BCAS3: variants seen among roughly 807,000 people sequenced by gnomAD.
BCAS3 encodes BCAS3 microtubule associated cell migration factor, also known as BCAS4/BCAS3 fusion.
BCAS3 carries 53 observed loss-of-function variants against 116.1 expected under a neutral mutation model. The ratio of observed to expected loss-of-function variants is 0.46; its 90% CI spans 0.37 to 0.57. The LOEUF is 0.57. BCAS3 is among the 20% of genes least tolerant of loss of function. The pLI is 0.00. For synonymous variants in BCAS3, 391 were observed against 408.2 expected (o/e 0.96, Z 0.51); for missense variants, 917 against 1,165.4 (o/e 0.79, Z 3.10).
In BCAS3 at chr17:61,130,710, G is replaced by A. The variant is rs1047519553; in HGVS notation, c.2425+46146G>A. On this transcript the variant is annotated intron_variant, in intron 22 of 23. Coordinates refer to ENST00000407086, the MANE Select transcript of BCAS3 (RefSeq NM_017679.5). This position sits in a 1 kb window ranked among gnomAD's most constrained non-coding sequence, Gnocchi z 5.0. ...CACTCTAATCAAACTGACCTTTTTA[G>A]TTTAGCTGGGCTCCAACCAGTTCTG... The A allele has an allele frequency of 2.0e-5, 3 of 152,224 alleles. No homozygotes were observed. The highest frequency in any genetic ancestry group is 2.9e-5 in the Non-Finnish European group (2 of 68,056). 9.4% of individuals were successfully genotyped at this position (152,224 alleles called of 1,614,324 possible). A position where few individuals can be genotyped will look rare whatever the true frequency, so the allele number is the denominator to read the frequency against.
chr17:61,330,554 G>A (rs939343687), intron 22 of BCAS3, among the ~76,000 whole-genome samples: 3 of 152,306 alleles, frequency 2.0e-5, no homozygotes, highest in Admixed American at 6.5e-5. Context: ...ATGTGCCTCT[G>A]CGGCCAGTGG....
intron 22 of BCAS3, among the ~76,000 whole-genome samples, chr17:61,127,297 G>C (rs377013547): frequency 4.6e-5 from 7 of 152,194 alleles, no homozygotes; most frequent in East Asian, 1.9e-4. Context: ...GTTAGCGAAG[G>C]CTTCACCACT....
intron 14 of BCAS3, among the ~76,000 whole-genome samples, chr17:60,976,032 T>TTTTTTTC (rs1203526706): frequency 8.1e-6 from 1 of 123,242 alleles, no homozygotes. Context: ...TTTTTTTTTT[T>TTTTTTTC]TTTTTTTTCT....
At chr17:61,066,280 C>T (rs562885396) in intron 19 of BCAS3, among the ~76,000 whole-genome samples, 1 of 152,116 alleles carries the variant, frequency 6.6e-6, no homozygotes, top group Admixed American at 6.5e-5. Flanking sequence ...AAGGGTAGAA[C>T]AAGAAGAACA....
At chr17:60,987,802 C>T (rs151215818) in intron 14 of BCAS3, among the ~76,000 whole-genome samples, 34 of 152,034 alleles carry the variant, frequency 2.2e-4, no homozygotes, top group Middle Eastern at 3.4e-3. Context: ...TTTTTCTTTT[C>T]GAATTTGGAT....
intron 9 of BCAS3, among the ~76,000 whole-genome samples, chr17:60,878,121 T>C (rs2055787833): frequency 6.6e-6 from 1 of 151,782 alleles, no homozygotes. Flanking sequence ...GCAGTTCTCC[T>C]GCCTCAGCTT....
intron 9 of BCAS3, among the ~76,000 whole-genome samples, chr17:60,881,114 A>G (rs2056099326): frequency 6.6e-6 from 1 of 152,180 alleles, no homozygotes; most frequent in South Asian, 2.1e-4. Context: ...AGCTGGGACT[A>G]CAGGCGCCCG....
At chr17:60,805,684 C>G (rs553734461) in intron 6 of BCAS3, among the ~76,000 whole-genome samples, 2 of 151,868 alleles carry the variant, frequency 1.3e-5, no homozygotes, top group South Asian at 4.2e-4. Context: ...AAAAATTAGC[C>G]GGACATGGTG....
chr17:60,830,054 C>T (rs963536164), intron 7 of BCAS3, among the ~76,000 whole-genome samples: 6 of 152,114 alleles, frequency 3.9e-5, no homozygotes, highest in East Asian at 3.9e-4. Context: ...TGCAGTGGCG[C>T]GATCTTAGCT....
intron 22 of BCAS3, among the ~76,000 whole-genome samples, chr17:61,108,953 T>C (rs2074865874): frequency 6.6e-6 from 1 of 152,082 alleles, no homozygotes; most frequent in Non-Finnish European, 1.5e-5. Context: ...TTTAGGTGGC[T>C]GAGGTGGGCG....
At chr17:61,311,660 C>T (rs1382883835) in intron 22 of BCAS3, among the ~76,000 whole-genome samples, 2 of 152,058 alleles carry the variant, frequency 1.3e-5, no homozygotes, top group Non-Finnish European at 2.9e-5. Context: ...TTTGGGAGGC[C>T]GAGGCGGGCA....
chr17:61,273,343 G>A (rs911563668), intron 22 of BCAS3, among the ~76,000 whole-genome samples: 2 of 151,832 alleles, frequency 1.3e-5, no homozygotes, highest in Non-Finnish European at 2.9e-5. Flanking sequence ...TATTTTAAGG[G>A]ATATTTTGCT....
intron 6 of BCAS3, among the ~76,000 whole-genome samples, chr17:60,773,877 A>G (rs180818693): frequency 6.6e-6 from 1 of 152,130 alleles, no homozygotes; most frequent in Non-Finnish European, 1.5e-5. Flanking sequence ...GAACACCTGC[A>G]CTTAAGTGAT....
chr17:61,107,234 G>A (rs1190646858), intron 22 of BCAS3, among the ~76,000 whole-genome samples: 1 of 151,748 alleles, frequency 6.6e-6, no homozygotes, highest in Non-Finnish European at 1.5e-5. Context: ...TTACAGGTGT[G>A]CACCACCACA....
At chr17:60,851,163 G>A (rs9895671) in intron 7 of BCAS3, among the ~76,000 whole-genome samples, 20,003 of 152,202 alleles carry the variant, frequency 0.13, 1,419 homozygotes, top group African/African-American at 0.18. Flanking sequence ...GCTGCAGATG[G>A]TGAGGAAATA....
chr17:60,712,297 G>A (rs1196417257), intron 5 of BCAS3, among the ~76,000 whole-genome samples: 1 of 151,270 alleles, frequency 6.6e-6, no homozygotes, highest in Non-Finnish European at 1.5e-5. Flanking sequence ...GATTGCCTGA[G>A]CCTGGGAAGT....
chr17:60,820,922 A>G (rs2049905801), intron 7 of BCAS3, among the ~76,000 whole-genome samples: 2 of 152,178 alleles, frequency 1.3e-5, no homozygotes, highest in Admixed American at 1.3e-4. Context: ...AAAAAGTAAA[A>G]TGGTATGAAT....
chr17:61,287,454 G>C (rs954094834), intron 22 of BCAS3, among the ~76,000 whole-genome samples: 13 of 152,134 alleles, frequency 8.5e-5, no homozygotes, highest in Non-Finnish European at 1.5e-4. Flanking sequence ...TGCAGGGCGT[G>C]GTGGCTCACA....
rs1239884589 is a variant in BCAS3, at chr17:61,214,526, T to A, written c.2425+129962T>A. Among the ~76,000 whole-genome samples, 1 of 12,740 alleles carries A rather than the reference T, an allele frequency of 7.8e-5. No homozygotes were observed. The highest frequency in any genetic ancestry group is 1.5e-4 in the Non-Finnish European group (1 of 6,556). The allele number at this position is 12,740 out of a possible 152,430, so 8.4% of individuals were successfully genotyped here. A position where few individuals can be genotyped will look rare whatever the true frequency, so the allele number is the denominator to read the frequency against. ...GGTGAAACCCCGTCTCTACTAAAAA[T>A]ACCAAAAAAAAAAAATTAGCTGGGC... On this transcript the variant is annotated intron_variant, in intron 22 of 23. Transcript: ENST00000407086. This position sits in a 1 kb window ranked among gnomAD's most constrained non-coding sequence, Gnocchi z 4.4.
Sources: allele counts gnomAD v4.1 joint callset (sites outside exome capture counted in the v4.1 genomes callset), GRCh38; gene constraint gnomAD v4.1.1; non-coding constraint Gnocchi (gnomAD v3.1); transcripts MANE v1.5; gene names NCBI Gene and HGNC (gene_info 2026-07-23, HGNC 2026-07-21).